Variants in ZNF728 observed in about 807,000 individuals in gnomAD.
ZNF728 encodes the protein zinc finger protein 728.
A neutral mutation model predicts 12.5 loss-of-function variants in ZNF728; 12 were observed. That is an observed-to-expected ratio of 0.96 (90% CI 0.61 to 1.55). The LOEUF (loss-of-function observed/expected upper bound fraction) is 1.55, where lower values mean the gene tolerates loss of function less well. ZNF728 is among the 40% of genes most tolerant of loss of function. ZNF728 has a pLI of 0.00. For synonymous variants in ZNF728, 205 were observed against 240.7 expected (o/e 0.85, Z 1.37); for missense variants, 692 against 719.2 (o/e 0.96, Z 0.43).
At chr19:22,992,831 C>T (rs1435772845) in intron 1 of ZNF728, among the ~76,000 whole-genome samples, 1 of 152,138 alleles carries the variant, frequency 6.6e-6, no homozygotes, top group Non-Finnish European at 1.5e-5. Flanking sequence ...CTCAAAGATT[C>T]AGAGGTGATT....
chr19:22,980,072 AAT>A (rs1224437917), intron 3 of ZNF728, among the ~76,000 whole-genome samples: 2 of 152,068 alleles, frequency 1.3e-5, no homozygotes, highest in Non-Finnish European at 2.9e-5. Flanking sequence ...TAGCAAATTG[AAT>A]AGAGTCAAGA....
At chr19:22,987,710 A>C (rs955404586) in intron 2 of ZNF728, among the ~76,000 whole-genome samples, 2 of 152,158 alleles carry the variant, frequency 1.3e-5, no homozygotes, top group African/African-American at 2.4e-5. Context: ...AGATCAGCTC[A>C]AGAATGTGGT....
At chr19:22,987,233 A>G (rs1968925918) in intron 3 of ZNF728, 75 bp downstream of exon 3, 31 of 1,315,770 alleles carry the variant, frequency 2.4e-5, no homozygotes, top group Middle Eastern at 1.9e-4. Context: ...ACAGCTTCCC[A>G]TATCACTTTA....
At position 23,003,027 on chromosome 19, in the gene ZNF728, C is replaced by G. The variant is rs1360852809; in HGVS notation, c.3+1G>C. The G allele has an allele frequency of 1.3e-6, 2 of 1,584,762 alleles. No homozygotes were observed. Among genetic ancestry groups the G allele is most frequent in the Non-Finnish European group, 1.7e-6 (2 of 1,165,590 alleles). ...CGGGATGTCGGACCCGGCTGACTCACCATTTCTAGGCTTCCGGGGGTCCTG... is the reference window on the plus strand; with the variant it reads ...CGGGATGTCGGACCCGGCTGACTCAGCATTTCTAGGCTTCCGGGGGTCCTG... On this transcript the variant is annotated splice_donor_variant, in intron 1 of 3. Transcript: ENST00000594710. LOFTEE classifies it high-confidence loss of function.
At chr19:22,984,077 A>C (rs535039184) in intron 3 of ZNF728, among the ~76,000 whole-genome samples, 1 of 152,164 alleles carries the variant, frequency 6.6e-6, no homozygotes, top group South Asian at 2.1e-4. Flanking sequence ...TATTTCTGAC[A>C]GAGGTATAGA....
chr19:22,984,577 T>C (rs201200042), intron 3 of ZNF728, among the ~76,000 whole-genome samples: 311 of 109,086 alleles, frequency 2.9e-3, no homozygotes, highest in African/African-American at 7.7e-3. Flanking sequence ...AAAAAAAAAA[T>C]ACACACACAC....
chr19:22,985,531 T>C (rs1412412831), intron 3 of ZNF728: 5 of 152,176 alleles, frequency 3.3e-5, no homozygotes, highest in Non-Finnish European at 7.3e-5. Context: ...AAGCCCAAGA[T>C]TGAGGAGCAC....
chr19:22,975,324 G>A lies in ZNF728; in HGVS notation c.*144C>T. On this transcript the variant is annotated 3_prime_UTR_variant, in exon 4 of 4. Transcript: ENST00000594710. ...CACACAATTGTAGGAATTCCCTCCAGTATGAATTACCTTATGTTTAGTAAG... is the reference window on the plus strand; with the variant it reads ...CACACAATTGTAGGAATTCCCTCCAATATGAATTACCTTATGTTTAGTAAG... 2 of 782,626 alleles carry A rather than the reference G, an allele frequency of 2.6e-6. No homozygotes were observed. Among genetic ancestry groups the A allele is most frequent in the East Asian group, 5.2e-5 (2 of 38,610 alleles). The allele number at this position is 782,626 out of a possible 1,614,324, so 48.5% of individuals were successfully genotyped here. A position where few individuals can be genotyped will look rare whatever the true frequency, so the allele number is the denominator to read the frequency against.
chr19:22,984,469 G>C lies in ZNF728; in HGVS notation c.226+2839C>G, dbSNP rs2145338822. Among the ~76,000 whole-genome samples the C allele has an allele frequency of 1.3e-5, 2 of 150,178 alleles. 1 individual carries two copies. Among genetic ancestry groups the C allele is most frequent in the South Asian group, 4.2e-4 (2 of 4,746 alleles). The stretch of plus-strand genomic sequence containing the variant: ...AGCTACTCAGGAGGCTGAGGCAAAG[G>C]AATCGCTTGAACCCGGGAGGCAGAG... On this transcript the variant is annotated intron_variant, in intron 3 of 3. Coordinates refer to ENST00000594710, the MANE Select transcript of ZNF728 (RefSeq NM_001267716.2).
chr19:22,976,367 A>G lies in ZNF728; in HGVS notation c.970T>C (p.Ser324Pro). The change falls in exon 4 of 4, where the codon TCC becomes CCC. Residue 324 changes from serine (S) to proline (P), a missense_variant. Ser to Pro is a moderately conservative substitution (Grantham distance 74). Transcript: ENST00000594710. Reference protein sequence around the residue: ...CEECGKAFNRSSNLMEHKRIH... With the variant: ...CEECGKAFNRPSNLMEHKRIH... The stretch of plus-strand genomic sequence containing the variant: ...CTCTTATGTTCCATAAGGTTTGAGG[A>G]CCGGTTGAAAGCTTTGCCACATTCT... 6.2e-7 allele frequency: 1 copy of G among 1,612,004 alleles called. No homozygotes were observed. Among genetic ancestry groups the G allele is most frequent in the Non-Finnish European group, 8.5e-7 (1 of 1,179,620 alleles).
chr19:23,001,487 A>ATATTCACT (rs1969113444), intron 1 of ZNF728, among the ~76,000 whole-genome samples: 2 of 152,152 alleles, frequency 1.3e-5, no homozygotes, highest in Non-Finnish European at 1.5e-5. Flanking sequence ...AAGACCCAGG[A>ATATTCACT]GCTGATATTC....
intron 1 of ZNF728, among the ~76,000 whole-genome samples, chr19:23,000,594 T>G (rs1257486978): frequency 2.6e-5 from 4 of 152,216 alleles, no homozygotes; most frequent in South Asian, 2.1e-4. Flanking sequence ...CCGGGCACAG[T>G]GGCTCACACC....
At chr19:22,977,795 C>A (rs1224638530) in intron 3 of ZNF728, among the ~76,000 whole-genome samples, 1 of 152,098 alleles carries the variant, frequency 6.6e-6, no homozygotes, top group Admixed American at 6.6e-5. Context: ...CTGACTACAC[C>A]AGGACAAAGC....
At chr19:22,986,031 C>T (rs147590018) in intron 3 of ZNF728, among the ~76,000 whole-genome samples, 1,630 of 152,280 alleles carry the variant, frequency 0.011, 41 homozygotes, top group African/African-American at 0.037. Flanking sequence ...ACCCAAGCCC[C>T]TTGTAATAAG....
intron 1 of ZNF728, among the ~76,000 whole-genome samples, chr19:22,998,368 AC>A (rs1171585888): frequency 6.2e-4 from 94 of 151,576 alleles, no homozygotes; most frequent in Non-Finnish European, 8.8e-4. Context: ...AAAAAAAAAA[AC>A]ATAAAGAAAA....
At chr19:22,998,653 T>A (rs1969075322) in intron 1 of ZNF728, among the ~76,000 whole-genome samples, 1 of 152,192 alleles carries the variant, frequency 6.6e-6, no homozygotes, top group African/African-American at 2.4e-5. Flanking sequence ...AACACTGTAG[T>A]TATATTTACA....
Position 22,991,841 on chromosome 19 carries a change from TG to T in ZNF728, c.4-3391del, listed in dbSNP as rs541180738. On this transcript the variant is annotated intron_variant, in intron 1 of 3. Coordinates refer to ENST00000594710, the MANE Select transcript of ZNF728 (RefSeq NM_001267716.2). ...TGTACAATTCTGTTCTCTATGCCAC[TG>T]GGGGGTATTGTCAGTTCTTTTTGTT... is the stretch of plus-strand genomic sequence containing the variant. 5.1e-4 allele frequency among the ~76,000 whole-genome samples: 78 copies of T among 152,264 alleles called. 1 individual carries two copies. The highest frequency in any genetic ancestry group is 1.7e-3 in the African/African-American group (69 of 41,564).
chr19:22,980,002 C>T (rs1968844451), intron 3 of ZNF728, among the ~76,000 whole-genome samples: 1 of 152,020 alleles, frequency 6.6e-6, no homozygotes, highest in African/African-American at 2.4e-5. Context: ...GAAATTCACA[C>T]ATAACAACAT....
At chr19:22,977,247 T>A in intron 3 of ZNF728, 137 bp from the exon 4 acceptor site, 1 of 824,312 alleles carries the variant, frequency 1.2e-6, no homozygotes, top group South Asian at 2.2e-5. Context: ...TTCACAGACA[T>A]ATAAATGTAA....
Sources: gnomAD v4.1 joint callset for allele counts (sites outside exome capture counted in the v4.1 genomes callset) on GRCh38, gnomAD v4.1.1 for gene constraint, MANE v1.5 for transcripts, NCBI Gene and HGNC (gene_info 2026-07-23, HGNC 2026-07-21) for gene names.